EML1: variants seen among roughly 807,000 people sequenced by gnomAD.
EML1 encodes EMAP like 1, also known as echinoderm microtubule-associated protein-like 1.
A neutral mutation model predicts 110.4 loss-of-function variants in EML1; 27 were observed. That is an observed-to-expected ratio of 0.24 (90% confidence interval 0.18 to 0.34). The LOEUF (loss-of-function observed/expected upper bound fraction) is 0.34. Ranked by LOEUF, EML1 falls within the 10% of genes least tolerant of loss-of-function variation. The pLI is 1.00. For synonymous variants in EML1, 344 were observed against 385.8 expected (o/e 0.89, Z 1.27); for missense variants, 741 against 1,030.9 (o/e 0.72, Z 3.85).
chr14:99,842,167 A>G (rs1429841369), intron 1 of EML1, among the ~76,000 whole-genome samples: 1 of 152,254 alleles, frequency 6.6e-6, no homozygotes, highest in Non-Finnish European at 1.5e-5. Flanking sequence ...CTGCATTCCC[A>G]ACCTGAGGTT....
chr14:99,772,289 C>A (rs115299099), upstream of EML1, among the ~76,000 whole-genome samples: 7,905 of 152,248 alleles, frequency 0.052, 267 homozygotes, highest in African/African-American at 0.087. Flanking sequence ...TGTGTTTGGG[C>A]GCCAGCCAGA....
intron 1 of EML1, among the ~76,000 whole-genome samples, chr14:99,778,425 T>C (rs1449204320): frequency 1.3e-5 from 2 of 152,214 alleles, no homozygotes; most frequent in African/African-American, 4.8e-5. Flanking sequence ...GTAAATCTTT[T>C]TCTGACAGCT....
In EML1 at chr14:99,784,129, C is replaced by T. The variant is rs1006567981; in HGVS notation, c.-27+10116C>T. Among the ~76,000 whole-genome samples the T allele has an allele frequency of 3.9e-5, 6 of 151,964 alleles. No homozygotes were observed. Among genetic ancestry groups the T allele is most frequent in the African/African-American group, 1.2e-4 (5 of 41,354 alleles). ...TTTTTGAGATAGGATCTTGCTCTGT[C>T]GCCCAGGCTGGAGTGCAGTGGCACG... On this transcript the variant is annotated intron_variant, in intron 1 of 22. Coordinates refer to the EML1 transcript ENST00000327921. The surrounding 1 kb of genome is among the most constrained non-coding windows in gnomAD (Gnocchi z 4.5).
intron 1 of EML1, among the ~76,000 whole-genome samples, chr14:99,819,982 A>G (rs2058235447): frequency 6.6e-6 from 1 of 152,358 alleles, no homozygotes; most frequent in South Asian, 2.1e-4. Context: ...CAATTTGCTT[A>G]TCACCTAGGC....
At chr14:99,916,902 C>G (rs185435769) in intron 15 of EML1, among the ~76,000 whole-genome samples, 1 of 152,230 alleles carries the variant, frequency 6.6e-6, no homozygotes, top group East Asian at 1.9e-4. Flanking sequence ...CCCTCCCTCC[C>G]CTGTGTATCT....
intron 1 of EML1, among the ~76,000 whole-genome samples, chr14:99,818,435 T>C (rs1334039711): frequency 1.3e-5 from 2 of 152,186 alleles, no homozygotes; most frequent in Non-Finnish European, 2.9e-5. Flanking sequence ...GATTTGATGA[T>C]TGATTCAATG....
chr14:99,767,105 C>T (rs2057375541), intron 1 of EML1, among the ~76,000 whole-genome samples: 1 of 152,222 alleles, frequency 6.6e-6, no homozygotes, highest in Admixed American at 6.5e-5. Flanking sequence ...TCAGGGATTA[C>T]TTCTTATTTC....
chr14:99,802,309 G>A (rs1376665323), intron 1 of EML1, among the ~76,000 whole-genome samples: 2 of 152,170 alleles, frequency 1.3e-5, no homozygotes, highest in African/African-American at 4.8e-5. Context: ...CTTCCTAGGA[G>A]CAGTGGGAAT....
At chr14:99,783,408 T>G (rs2057564012) in intron 1 of EML1, among the ~76,000 whole-genome samples, 1 of 152,072 alleles carries the variant, frequency 6.6e-6, no homozygotes, top group Non-Finnish European at 1.5e-5. Context: ...ACATTTGGGT[T>G]GGTTCTTTCT....
At chr14:99,823,601 C>G (rs763047099) in intron 1 of EML1, among the ~76,000 whole-genome samples, 1 of 152,052 alleles carries the variant, frequency 6.6e-6, no homozygotes, top group Non-Finnish European at 1.5e-5. Flanking sequence ...ATTCTTCCTG[C>G]GTAGATTGAG....
upstream of EML1, among the ~76,000 whole-genome samples, chr14:99,790,464 A>T (rs939553074): frequency 4.6e-5 from 7 of 151,688 alleles, no homozygotes; most frequent in Non-Finnish European, 8.8e-5. Context: ...CAGCCTCCCA[A>T]ATAACTAGGA....
At chr14:99,820,582 A>T (rs1187767956) in intron 1 of EML1, among the ~76,000 whole-genome samples, 1 of 152,240 alleles carries the variant, frequency 6.6e-6, no homozygotes, top group Admixed American at 6.5e-5. Flanking sequence ...ACGAAACCAA[A>T]GATACAGAGT....
At chr14:99,769,950 C>T (rs141381690), upstream of EML1, among the ~76,000 whole-genome samples, 180 of 152,318 alleles carry the variant, frequency 1.2e-3, 3 homozygotes, top group African/African-American at 3.9e-3. Flanking sequence ...CCTTCTGTCC[C>T]CTGCAAGTTC....
chr14:99,873,000 T>A (rs1425264476), intron 3 of EML1, among the ~76,000 whole-genome samples: 3 of 152,172 alleles, frequency 2.0e-5, no homozygotes, highest in African/African-American at 7.2e-5. Context: ...AAGACTTCGA[T>A]TGAGGGCTTG....
intron 1 of EML1, among the ~76,000 whole-genome samples, chr14:99,845,269 T>C (rs2058690116): frequency 1.3e-5 from 2 of 152,254 alleles, no homozygotes; most frequent in Non-Finnish European, 1.5e-5. Context: ...ACTAATGATG[T>C]TGAACATCTT....
In EML1 at chr14:99,893,246, G is replaced by C. The variant is rs533881237; in HGVS notation, c.548-1383G>C. 4.5e-3 allele frequency among the ~76,000 whole-genome samples: 417 copies of C among 93,432 alleles called. 1 individual carries two copies. Among genetic ancestry groups the C allele is most frequent in the African/African-American group, 0.017 (404 of 23,362 alleles). 61.3% of individuals were successfully genotyped at this position (93,432 alleles called of 152,430 possible). ...AGAGAGCAGGTGAAGAAGTTTACAT[G>C]GAGGAAGGGCTCCGTAAACCTGGTT... On this transcript the variant is annotated intron_variant, in intron 5 of 21. Transcript: ENST00000262233.
At chr14:99,873,208 A>G (rs75534934) in intron 3 of EML1, among the ~76,000 whole-genome samples, 153 of 152,356 alleles carry the variant, frequency 1.0e-3, no homozygotes, top group Non-Finnish European at 2.0e-3. Context: ...AGGCCAAGCT[A>G]TGTGAACAGA....
chr14:99,769,097 T>C (rs2057396373), upstream of EML1, among the ~76,000 whole-genome samples: 1 of 151,922 alleles, frequency 6.6e-6, no homozygotes, highest in South Asian at 2.1e-4. Context: ...TCGATGTGGG[T>C]TTGAGGTTAC....
intron 2 of EML1, among the ~76,000 whole-genome samples, chr14:99,854,072 G>T (rs955640135): frequency 2.3e-4 from 35 of 152,306 alleles, no homozygotes; most frequent in African/African-American, 8.2e-4. Context: ...TACAGCTTTT[G>T]CTGTCTGCCC....
Sources: allele counts gnomAD v4.1 joint callset (sites outside exome capture counted in the v4.1 genomes callset), GRCh38; gene constraint gnomAD v4.1.1; non-coding constraint Gnocchi (gnomAD v3.1); transcripts MANE v1.5; gene names NCBI Gene and HGNC (gene_info 2026-07-23, HGNC 2026-07-21).